The following FGL1 variants were observed in gnomAD, a reference collection of about 807,000 sequenced individuals.
The protein encoded by FGL1 is fibrinogen-like protein 1.
In FGL1, 59 loss-of-function variants were observed where a neutral mutation model predicts 43.7. That is an observed-to-expected ratio of 1.35 (90% CI 1.10 to 1.68). FGL1 has a LOEUF of 1.68. Ranked by LOEUF, FGL1 falls within the 40% of genes most tolerant of loss-of-function variation. The pLI is 0.00. For missense variants in FGL1, 596 were observed against 373.0 expected (o/e 1.60, Z -4.92); for synonymous variants, 192 against 126.5 (o/e 1.52, Z -3.48).
At chr8:17,887,675 A>G (rs1190012113) in intron 1 of FGL1, among the ~76,000 whole-genome samples, 1 of 152,066 alleles carries the variant, frequency 6.6e-6, no homozygotes, top group Non-Finnish European at 1.5e-5. Flanking sequence ...TCTCTATAAA[A>G]ATACAAAAAA....
At chr8:17,888,004 T>C (rs1250965738) in intron 1 of FGL1, among the ~76,000 whole-genome samples, 1 of 152,122 alleles carries the variant, frequency 6.6e-6, no homozygotes, top group Non-Finnish European at 1.5e-5. Flanking sequence ...TATGTACCTA[T>C]CTTAGGCCCA....
Position 17,892,790 on chromosome 8 carries a change from T to C in FGL1, c.-18+2657A>G, listed in dbSNP as rs35678881. On this transcript the variant is annotated intron_variant, in intron 1 of 7. Transcript: ENST00000427924. ...AATTAAAAATCATGAAATGTCTGTA[T>C]CTTCTAGACTTTGCTTTAATGTTAT... 8.8e-3 allele frequency among the ~76,000 whole-genome samples: 1,340 copies of C among 152,362 alleles called. 12 individuals carry two copies. Among genetic ancestry groups the C allele is most frequent in the Middle Eastern group, 0.031 (9 of 294 alleles).
chr8:17,875,539 T>TC (rs1563452393), intron 3 of FGL1, among the ~76,000 whole-genome samples: 1 of 14,658 alleles, frequency 6.8e-5, no homozygotes, highest in African/African-American at 2.0e-4. Flanking sequence ...TTCTTTCTCT[T>TC]TCTTTCTTTC....
chr8:17,866,466 A>T (rs1197151595), intron 7 of FGL1, among the ~76,000 whole-genome samples: 1 of 152,234 alleles, frequency 6.6e-6, no homozygotes, highest in African/African-American at 2.4e-5. Context: ...ATGATAGTCG[A>T]ACTCACTGAT....
At chr8:17,868,120 C>T (rs953208709) in intron 7 of FGL1, among the ~76,000 whole-genome samples, 5 of 152,108 alleles carry the variant, frequency 3.3e-5, no homozygotes, top group Admixed American at 6.6e-5. Flanking sequence ...TTAATGAAAG[C>T]CATAGTGATT....
At chr8:17,874,231 T>C (rs2053408967) in intron 4 of FGL1, 115 bp from the exon 5 acceptor site, 1 of 1,365,540 alleles carries the variant, frequency 7.3e-7, no homozygotes, top group Non-Finnish European at 1.0e-6. Flanking sequence ...AGTTAATTCA[T>C]TTTCAGTATT....
rs145205778 is a variant in FGL1, at chr8:17,874,036, T to C, written c.485A>G (p.His162Arg). Residue 162 changes from histidine to arginine, a missense_variant, in exon 5 of 8, where the codon CAC becomes CGC. By Grantham distance (29) the His-to-Arg change is conservative. Transcript: ENST00000427924. ...AACCTTACCTTGAGTGGTCAAGAAG[T>C]GAAGATTTTTATTGCCCAGCCAATA... is the stretch of plus-strand genomic sequence containing the variant. ...GEYWLGNKNL[H>R]FLTTQEDYTL... The C allele has an allele frequency of 3.1e-6, 5 of 1,609,578 alleles. No homozygotes were observed. Among genetic ancestry groups the C allele is most frequent in the African/African-American group, 1.3e-5 (1 of 74,674 alleles).
chr8:17,878,575 A>C (rs1328812100), intron 3 of FGL1, among the ~76,000 whole-genome samples: 1 of 152,158 alleles, frequency 6.6e-6, no homozygotes, highest in Non-Finnish European at 1.5e-5. Flanking sequence ...TGTGAATTTG[A>C]CACAGTAACC....
intron 4 of FGL1, 57 bp from the exon 5 acceptor site, chr8:17,874,173 G>A (rs578014942): frequency 7.0e-6 from 10 of 1,434,230 alleles, no homozygotes; most frequent in African/African-American, 2.8e-5. Context: ...GTACCAAAGC[G>A]ACCACCACCC....
rs36000514 is a variant in FGL1, at chr8:17,866,552, A to G, written c.780-1801T>C. 3.1e-3 allele frequency among the ~76,000 whole-genome samples: 475 copies of G among 152,284 alleles called. 4 individuals are homozygous for G. Among genetic ancestry groups the G allele is most frequent in the African/African-American group, 0.011 (460 of 41,546 alleles). ...TCCCTTAATGCCTACTGATTTTCCA[A>G]TTGCACAGCCTTATCAACCCCTTTG... is the stretch of plus-strand genomic sequence containing the variant. On this transcript the variant is annotated intron_variant, in intron 7 of 7. Transcript: ENST00000427924.
At chr8:17,887,483 AC>A (rs2053645053) in intron 1 of FGL1, among the ~76,000 whole-genome samples, 1 of 152,238 alleles carries the variant, frequency 6.6e-6, no homozygotes, top group Non-Finnish European at 1.5e-5. Flanking sequence ...TTTCTGTATT[AC>A]AACACTGGGC....
chr8:17,883,019 A>G (rs1217784501), intron 2 of FGL1, among the ~76,000 whole-genome samples: 4 of 95,812 alleles, frequency 4.2e-5, no homozygotes, highest in African/African-American at 5.5e-5. Context: ...AATATATAAT[A>G]TATATCATAT....
intron 4 of FGL1, 105 bp from the exon 5 acceptor site, chr8:17,874,221 A>G (rs576102008): frequency 4.5e-6 from 6 of 1,347,480 alleles, no homozygotes; most frequent in Non-Finnish European, 6.2e-6. Context: ...TTTCTTGATT[A>G]GTTAATTCAT....
chr8:17,875,481 C>CTCTCTCTTTCTTTCTT (rs2053430634), intron 3 of FGL1, among the ~76,000 whole-genome samples: 1 of 129,766 alleles, frequency 7.7e-6, no homozygotes, highest in African/African-American at 3.2e-5. Flanking sequence ...AAAGTGATAT[C>CTCTCTCTTTCTTTCTT]TCTTTCTTTC....
Position 17,874,104 on chromosome 8 carries a change from G to A in FGL1, c.417C>T (p.Asp139=). The change falls in exon 5 of 8, where the codon GAC becomes GAT. Residue 139 remains aspartate, a synonymous_variant. Transcript: ENST00000427924. ...CAAAATTTCCAAAGCCATTTTCATA[G>A]TCTTTCCATCCTCTAAAAAAGGTAA... ...GSENFNRGWK[D]YENGFGNFVQ... 1 of 1,610,896 alleles carries A rather than the reference G, an allele frequency of 6.2e-7. No individual in the cohort carries two copies. Among genetic ancestry groups the A allele is most frequent in the East Asian group, 2.2e-5 (1 of 44,750 alleles).
intron 1 of FGL1, among the ~76,000 whole-genome samples, chr8:17,889,807 G>T (rs1271288751): frequency 6.6e-6 from 1 of 152,122 alleles, no homozygotes; most frequent in South Asian, 2.1e-4. Flanking sequence ...TTCTGACTTA[G>T]AAAAATGGCA....
rs549441794 is a variant in FGL1, at chr8:17,874,805, ATT to A, written c.245-286_245-285del. ...GTTTCTTTCTTCTTTTTTCTTTTAC[ATT>A]TTTTTTAAGAAATGGGGGCGTGTCA... On this transcript the variant is annotated intron_variant, in intron 3 of 7. Coordinates refer to ENST00000427924, the MANE Select transcript of FGL1 (RefSeq NM_004467.4). 1.7e-3 allele frequency: 361 copies of A among 215,616 alleles called. 1 individual carries two copies. Among genetic ancestry groups the A allele is most frequent in the African/African-American group, 7.8e-3 (340 of 43,640 alleles). 13.4% of individuals were successfully genotyped at this position (215,616 alleles called of 1,614,324 possible). A position where few individuals can be genotyped will look rare whatever the true frequency, so the allele number is the denominator to read the frequency against.
intron 3 of FGL1, among the ~76,000 whole-genome samples, chr8:17,881,138 A>ATTTTTT (rs34570292): frequency 4.2e-5 from 6 of 142,922 alleles, no homozygotes; most frequent in African/African-American, 1.4e-4. Flanking sequence ...GTGTACACGG[A>ATTTTTT]TTTTTTTTTT....
rs34467608 is a variant in FGL1, at chr8:17,890,342, T to C, written c.-17-4771A>G. On this transcript the variant is annotated intron_variant, in intron 1 of 7. Coordinates refer to ENST00000427924, the MANE Select transcript of FGL1 (RefSeq NM_004467.4). ...GGTCATTCACCGACAAAGCTTTACA[T>C]AATCTGTGAGCATCCACCTCCTCAA... is the stretch of plus-strand genomic sequence containing the variant. 3.3e-3 allele frequency among the ~76,000 whole-genome samples: 496 copies of C among 152,328 alleles called. 3 individuals carry two copies. Among genetic ancestry groups the C allele is most frequent in the African/African-American group, 0.011 (459 of 41,578 alleles).
Sources: gnomAD v4.1 joint callset for allele counts (sites outside exome capture counted in the v4.1 genomes callset) on GRCh38, gnomAD v4.1.1 for gene constraint, MANE v1.5 for transcripts, NCBI Gene and HGNC (gene_info 2026-07-23, HGNC 2026-07-21) for gene names.